Variants in NXN observed in about 807,000 individuals in gnomAD.
NXN encodes the protein nucleoredoxin 1.
NXN carries 16 observed loss-of-function variants against 48.6 expected under a neutral mutation model. The ratio of observed to expected loss-of-function variants is 0.33; its 90% CI spans 0.22 to 0.50. The LOEUF (loss-of-function observed/expected upper bound fraction) is 0.50. Among genes scored for constraint, NXN ranks in the 20% least tolerant of loss-of-function variants. NXN has a pLI of 0.98. For synonymous variants in NXN, 281 were observed against 269.6 expected (o/e 1.04, Z -0.41); for missense variants, 492 against 605.5 (o/e 0.81, Z 1.97).
At chr17:896,749 G>T in intron 1 of NXN, 1 of 659,544 alleles carries the variant, frequency 1.5e-6, no homozygotes, top group Non-Finnish European at 2.0e-6. Context: ...GTTGTTTCTG[G>T]TAATAGAACC....
At chr17:909,945 G>A (rs539660619) in intron 1 of NXN, 6 of 152,280 alleles carry the variant, frequency 3.9e-5, no homozygotes, top group South Asian at 2.1e-4. Context: ...GAGTGATATC[G>A]CCTTTAATAT....
At chr17:812,781 C>T (rs747580478) in intron 5 of NXN, among the ~76,000 whole-genome samples, 2 of 116,244 alleles carry the variant, frequency 1.7e-5, no homozygotes, top group Non-Finnish European at 1.9e-5. Context: ...TAGGTGTGTG[C>T]ATGTGTGTAG....
chr17:863,392 C>A (rs564631026), intron 1 of NXN, among the ~76,000 whole-genome samples: 93 of 152,268 alleles, frequency 6.1e-4, no homozygotes, highest in Non-Finnish European at 1.1e-3. Context: ...TGGTCTCGAT[C>A]TCCTGACCTC....
chr17:805,020 T>TCCCCCCCCCCCCCCACCCCCCCCCC, intron 6 of NXN, 48 bp downstream of exon 6: 1 of 1,512,884 alleles, frequency 6.6e-7, no homozygotes, highest in Non-Finnish European at 9.0e-7. Flanking sequence ...GCCCCTCCTG[T>TCCCCCCCCCCCCCCACCCCCCCCCC]CCCGCCCCCC....
chr17:934,452 A>G (rs993271366), intron 1 of NXN, among the ~76,000 whole-genome samples: 4 of 151,490 alleles, frequency 2.6e-5, no homozygotes, highest in Non-Finnish European at 4.4e-5. Flanking sequence ...TCTCAAAGAA[A>G]AAAAAAAAAA....
chr17:801,146 A>AGGGAGAG lies in NXN; in HGVS notation c.1126-22_1126-16dup. 6.6e-7 allele frequency: 1 copy of AGGGAGAG among 1,507,228 alleles called. No homozygotes were observed. The allele number at this position is 1,507,228 out of a possible 1,614,324, so 93.4% of individuals were successfully genotyped here. On this transcript the variant is annotated splice_polypyrimidine_tract_variant and intron_variant, in intron 7 of 7. Coordinates refer to ENST00000336868, the MANE Select transcript of NXN (RefSeq NM_022463.5). ...GTCATGTCATCCTGAAGCCGTCAGG[A>AGGGAGAG]GGGAGAGAAAACCAAGAAGTTTTAA...
At chr17:930,891 C>A (rs372729091) in intron 1 of NXN, among the ~76,000 whole-genome samples, 1 of 151,750 alleles carries the variant, frequency 6.6e-6, no homozygotes, top group East Asian at 2.0e-4. Flanking sequence ...CCTGCCTCAG[C>A]CTCCTGAGTA....
chr17:824,874 G>C (rs184799970), intron 2 of NXN, among the ~76,000 whole-genome samples: 22 of 152,322 alleles, frequency 1.4e-4, no homozygotes, highest in Admixed American at 3.9e-4. Context: ...GGTTGAAAAT[G>C]CAGGTGGTCG....
At chr17:941,910 C>CAA (rs1440189549) in intron 1 of NXN, among the ~76,000 whole-genome samples, 1 of 53,276 alleles carries the variant, frequency 1.9e-5, no homozygotes, top group African/African-American at 8.9e-5. Context: ...GAACTCACAT[C>CAA]ACACCTTCCT....
chr17:966,250 T>C (rs1484040844), intron 1 of NXN, among the ~76,000 whole-genome samples: 1 of 152,078 alleles, frequency 6.6e-6, no homozygotes, highest in Non-Finnish European at 1.5e-5. Flanking sequence ...CAGCTTTGAA[T>C]GGGGCCCAAC....
intron 1 of NXN, among the ~76,000 whole-genome samples, chr17:896,557 C>A (rs2115): frequency 0.22 from 33,547 of 152,148 alleles, 4,015 homozygotes; most frequent in Middle Eastern, 0.37. Context: ...GTACCTCTCC[C>A]TGTTGCCTCG....
intron 1 of NXN, among the ~76,000 whole-genome samples, chr17:876,718 G>T (rs1049019509): frequency 6.6e-6 from 1 of 152,028 alleles, no homozygotes; most frequent in Non-Finnish European, 1.5e-5. Flanking sequence ...TTCCCTTTGG[G>T]GCACCAGCTC....
At chr17:854,953 C>T (rs1458261911) in intron 1 of NXN, among the ~76,000 whole-genome samples, 58 of 150,550 alleles carry the variant, frequency 3.9e-4, no homozygotes, top group Admixed American at 1.6e-3. Context: ...AGTGAGACTC[C>T]GTCTCAAAAA....
At chr17:864,535 T>C (rs2068077754) in intron 1 of NXN, among the ~76,000 whole-genome samples, 2 of 152,230 alleles carry the variant, frequency 1.3e-5, no homozygotes, top group African/African-American at 4.8e-5. Context: ...GAGTACAGGC[T>C]GTTTCTCCCT....
At chr17:832,512 G>C (rs978301124) in intron 1 of NXN, among the ~76,000 whole-genome samples, 2 of 152,096 alleles carry the variant, frequency 1.3e-5, no homozygotes, top group African/African-American at 4.8e-5. Flanking sequence ...AGGAAATGGT[G>C]GTGGGGTTTT....
At chr17:813,501 G>A (rs370707255) in intron 5 of NXN, among the ~76,000 whole-genome samples, 6 of 152,380 alleles carry the variant, frequency 3.9e-5, no homozygotes, top group East Asian at 1.9e-4. Context: ...CGCTTCCAAA[G>A]TGATATCCCT....
intron 1 of NXN, among the ~76,000 whole-genome samples, chr17:928,021 T>C (rs1567504986): frequency 6.6e-6 from 1 of 151,604 alleles, no homozygotes; most frequent in South Asian, 2.1e-4. Context: ...AAACCACAGA[T>C]TGTAAACTTG....
At chr17:973,510 T>C (rs966625822) in intron 1 of NXN, among the ~76,000 whole-genome samples, 2 of 152,196 alleles carry the variant, frequency 1.3e-5, no homozygotes, top group African/African-American at 2.4e-5. Flanking sequence ...GTAACTTAAA[T>C]CTTTCCCAGG....
chr17:875,647 G>T (rs747475914), intron 1 of NXN, among the ~76,000 whole-genome samples: 2 of 151,626 alleles, frequency 1.3e-5, no homozygotes, highest in African/African-American at 4.9e-5. Context: ...GCTGGAGTAC[G>T]GTGGTGCAAT....
Sources: allele counts gnomAD v4.1 joint callset (sites outside exome capture counted in the v4.1 genomes callset), GRCh38; gene constraint gnomAD v4.1.1; transcripts MANE v1.5; gene names NCBI Gene and HGNC (gene_info 2026-07-23, HGNC 2026-07-21).